Variants in FBXL20 observed in about 807,000 individuals in gnomAD.
The protein encoded by FBXL20 is F-box and leucine rich repeat protein 20.
Under a neutral mutation model 64.0 loss-of-function variants are expected in FBXL20, and 11 were observed. The ratio of observed to expected loss-of-function variants is 0.17; its 90% CI spans 0.11 to 0.28. The LOEUF (loss-of-function observed/expected upper bound fraction) is 0.28, where lower values mean the gene tolerates loss of function less well. FBXL20 is among the 10% of genes least tolerant of loss of function. The pLI is 1.00. For synonymous variants in FBXL20, 184 were observed against 189.0 expected (o/e 0.97, Z 0.22); for missense variants, 303 against 526.2 (o/e 0.58, Z 4.15).
At chr17:39,320,999 GTTCT>G (rs1378354772) in intron 2 of FBXL20, among the ~76,000 whole-genome samples, 2 of 152,086 alleles carry the variant, frequency 1.3e-5, no homozygotes, top group Non-Finnish European at 2.9e-5. Flanking sequence ...CATTTGCTAA[GTTCT>G]TTTTTTGTTT....
intron 1 of FBXL20, among the ~76,000 whole-genome samples, chr17:39,395,560 A>G (rs1192975131): frequency 6.6e-6 from 1 of 152,250 alleles, no homozygotes; most frequent in African/African-American, 2.4e-5. Flanking sequence ...TATAAGTTAG[A>G]TAATTGTTTT....
At chr17:39,296,516 C>T (rs1050360867) in intron 6 of FBXL20, among the ~76,000 whole-genome samples, 5 of 141,150 alleles carry the variant, frequency 3.5e-5, no homozygotes, top group African/African-American at 1.1e-4. Context: ...ACCAAGGTTG[C>T]GCCACTGCAG....
intron 1 of FBXL20, among the ~76,000 whole-genome samples, chr17:39,375,484 G>T (rs1306090136): frequency 6.6e-6 from 1 of 152,138 alleles, no homozygotes; most frequent in Non-Finnish European, 1.5e-5. Flanking sequence ...AGCAGAACAG[G>T]ATGACTATAG....
intron 6 of FBXL20, among the ~76,000 whole-genome samples, chr17:39,287,981 T>TTA (rs1375988441): frequency 6.6e-6 from 1 of 150,452 alleles, no homozygotes; most frequent in African/African-American, 2.5e-5. Context: ...TTTTTTTTTT[T>TTA]TTTTTTGAGA....
chr17:39,343,265 C>T, intron 1 of FBXL20, 24 bp from the exon 2 acceptor site: 1 of 1,529,374 alleles, frequency 6.5e-7, no homozygotes, highest in Non-Finnish European at 8.9e-7. Flanking sequence ...ATCATAGTGT[C>T]AAGTGTTACT....
intron 4 of FBXL20, among the ~76,000 whole-genome samples, chr17:39,300,261 G>A (rs1211887861): frequency 1.3e-5 from 2 of 152,116 alleles, no homozygotes; most frequent in Non-Finnish European, 2.9e-5. Flanking sequence ...CTGACCTCAG[G>A]TGATCCGCCC....
At chr17:39,393,343 C>T (rs2048153276) in intron 1 of FBXL20, among the ~76,000 whole-genome samples, 1 of 151,900 alleles carries the variant, frequency 6.6e-6, no homozygotes, top group Admixed American at 6.6e-5. Context: ...AAACTGAGAA[C>T]GCTTCCCCAG....
intron 2 of FBXL20, among the ~76,000 whole-genome samples, chr17:39,339,788 C>A (rs556096905): frequency 2.0e-5 from 3 of 151,786 alleles, no homozygotes; most frequent in African/African-American, 7.3e-5. Context: ...GGACTACAGG[C>A]GCGCACCACC....
chr17:39,386,438 T>C (rs2048080912), intron 1 of FBXL20, among the ~76,000 whole-genome samples: 1 of 152,108 alleles, frequency 6.6e-6, no homozygotes, highest in African/African-American at 2.4e-5. Context: ...GAGACCAGCC[T>C]GAGCAACACA....
intron 1 of FBXL20, among the ~76,000 whole-genome samples, chr17:39,365,086 T>A (rs1050979541): frequency 1.3e-5 from 2 of 152,190 alleles, no homozygotes; most frequent in Non-Finnish European, 2.9e-5. Context: ...GGTAGCCCAA[T>A]ACAGGTCAAA....
chr17:39,388,222 C>G (rs1049593928), intron 1 of FBXL20, among the ~76,000 whole-genome samples: 2 of 151,748 alleles, frequency 1.3e-5, no homozygotes, highest in Non-Finnish European at 2.9e-5. Flanking sequence ...TTTGGGAGAC[C>G]AAGGCAGGCA....
chr17:39,331,557 C>T (rs2047461646), intron 2 of FBXL20, among the ~76,000 whole-genome samples: 1 of 152,192 alleles, frequency 6.6e-6, no homozygotes, highest in Admixed American at 6.5e-5. Context: ...TCTTTTCTAG[C>T]TCTATATTGA....
At chr17:39,350,385 A>T (rs2047676410) in intron 1 of FBXL20, among the ~76,000 whole-genome samples, 1 of 152,174 alleles carries the variant, frequency 6.6e-6, no homozygotes, top group Admixed American at 6.5e-5. Flanking sequence ...GCTACCTGGG[A>T]GGCAGAGGCA....
intron 1 of FBXL20, among the ~76,000 whole-genome samples, chr17:39,399,067 A>AT (rs1197307442): frequency 6.6e-6 from 1 of 152,224 alleles, no homozygotes; most frequent in East Asian, 1.9e-4. Flanking sequence ...ATATAAAAGC[A>AT]TACCTACAAA....
rs2046689295 is a variant in FBXL20 at position 39,255,723 on chromosome 17, T to G, written c.*5737A>C. 1 of 151,684 alleles carries G rather than the reference T, an allele frequency of 6.6e-6. No individual in the cohort carries two copies. The highest frequency in any genetic ancestry group is 2.4e-5 in the African/African-American group (1 of 41,258). The allele number at this position is 151,684 out of a possible 1,614,324, so 9.4% of individuals were successfully genotyped here. ...CCGGGCGTGGTGGCACAGGCTGTAA[T>G]TCCAGCTACTCGGGAGGCTAAGGGA... On this transcript the variant is annotated 3_prime_UTR_variant, in exon 15 of 15. Transcript: ENST00000264658.
At chr17:39,277,754 CAAAA>C (rs34095802) in intron 9 of FBXL20, among the ~76,000 whole-genome samples, 8 of 89,922 alleles carry the variant, frequency 8.9e-5, no homozygotes, top group Admixed American at 1.3e-4. Context: ...AACTCCGTCT[CAAAA>C]AAAAAAAAAA....
chr17:39,276,943 A>G (rs377317560), intron 9 of FBXL20, among the ~76,000 whole-genome samples: 7 of 152,324 alleles, frequency 4.6e-5, no homozygotes, highest in African/African-American at 1.7e-4. Context: ...AAAAAAAAGG[A>G]AAGTTACACA....
intron 9 of FBXL20, 150 bp downstream of exon 9, chr17:39,281,239 C>T (rs923735060): frequency 3.0e-5 from 20 of 670,998 alleles, no homozygotes; most frequent in Admixed American, 8.6e-5. Flanking sequence ...TTGTTAAGCA[C>T]GTCAAAAGTC....
chr17:39,268,294 A>T (rs1232075433), intron 12 of FBXL20, among the ~76,000 whole-genome samples: 1 of 152,184 alleles, frequency 6.6e-6, no homozygotes, highest in Non-Finnish European at 1.5e-5. Flanking sequence ...TGGAGGTTGC[A>T]GTGAGCTGAG....
Sources: allele counts gnomAD v4.1 joint callset (sites outside exome capture counted in the v4.1 genomes callset), GRCh38; gene constraint gnomAD v4.1.1; transcripts MANE v1.5; gene names NCBI Gene and HGNC (gene_info 2026-07-23, HGNC 2026-07-21).